ADAMTS20: variants seen among roughly 807,000 people sequenced by gnomAD.
ADAMTS20 encodes ADAM metallopeptidase with thrombospondin type 1 motif 20.
A neutral mutation model predicts 260.1 loss-of-function variants in ADAMTS20; 225 were observed. That is an observed-to-expected ratio of 0.87 (90% CI 0.78 to 0.97). The LOEUF is 0.97. ADAMTS20 is among the 50% of genes least tolerant of loss of function. The pLI is 0.00. For missense variants in ADAMTS20, 2,400 were observed against 2,337.7 expected, an observed-to-expected ratio of 1.03 and a Z score of -0.55; for synonymous variants, 802 against 769.5, an observed-to-expected ratio of 1.04 and a Z score of -0.70.
intron 3 of ADAMTS20, among the ~76,000 whole-genome samples, chr12:43,507,581 T>C (rs1942864812): frequency 6.6e-6 from 1 of 152,142 alleles, no homozygotes; most frequent in Admixed American, 6.6e-5. Context: ...TGCTAAGAAA[T>C]TATATATCTC....
chr12:43,410,382 GA>G (rs1008025127), intron 28 of ADAMTS20, among the ~76,000 whole-genome samples: 1 of 151,878 alleles, frequency 6.6e-6, no homozygotes, highest in Non-Finnish European at 1.5e-5. Flanking sequence ...AGCCCTTAAG[GA>G]AAAAAACAGT....
At chr12:43,504,295 C>T (rs1942810627) in intron 3 of ADAMTS20, among the ~76,000 whole-genome samples, 1 of 152,118 alleles carries the variant, frequency 6.6e-6, no homozygotes, top group Non-Finnish European at 1.5e-5. Flanking sequence ...TTCTGATGTG[C>T]ATTTCTCTAA....
intron 4 of ADAMTS20, 140 bp from the exon 5 acceptor site, chr12:43,493,393 A>T (rs1172971485): frequency 1.6e-6 from 1 of 628,624 alleles, no homozygotes; most frequent in Non-Finnish European, 2.7e-6. Context: ...GCTTTAACAA[A>T]TCCTCATGTT....
chr12:43,425,734 G>T, intron 27 of ADAMTS20, 44 bp from the exon 28 acceptor site: 1 of 1,347,824 alleles, frequency 7.4e-7, no homozygotes, highest in South Asian at 1.6e-5. Context: ...GTTTTAAAGA[G>T]AATAATGTAT....
chr12:43,442,760 T>C (rs1941691165), intron 16 of ADAMTS20, among the ~76,000 whole-genome samples: 1 of 152,220 alleles, frequency 6.6e-6, no homozygotes, highest in South Asian at 2.1e-4. Context: ...TAAATCAAAC[T>C]ATTTATGTTT....
rs1943515895 is a variant in ADAMTS20, at chr12:43,551,471, C to CAAAGGGGTCT, written c.92-202_92-201insAGACCCCTTT. The stretch of plus-strand genomic sequence containing the variant: ...GTGCTCTGCTTTCCCACACCCCCAA[C>CAAAGGGGTCT]TTGCCCTACCCTCCCCAAGCAAAGA... On this transcript the variant is annotated intron_variant, in intron 1 of 38. Transcript: ENST00000389420. The surrounding 1 kb of genome is among the most constrained non-coding windows in gnomAD (Gnocchi z 4.6). 6.6e-6 allele frequency among the ~76,000 whole-genome samples: 1 copy of CAAAGGGGTCT among 152,112 alleles called. No homozygotes were observed. Among genetic ancestry groups the CAAAGGGGTCT allele is most frequent in the Non-Finnish European group, 1.5e-5 (1 of 68,024 alleles).
chr12:43,499,275 C>T (rs1308169376), intron 4 of ADAMTS20, among the ~76,000 whole-genome samples: 1 of 152,092 alleles, frequency 6.6e-6, no homozygotes, highest in Non-Finnish European at 1.5e-5. Context: ...CAACAGAAAC[C>T]TGCTCTCTTT....
At chr12:43,363,034 GA>G (rs898161969) in intron 37 of ADAMTS20, among the ~76,000 whole-genome samples, 314 of 147,346 alleles carry the variant, frequency 2.1e-3, no homozygotes, top group African/African-American at 6.8e-3. Context: ...GTGCTACCAA[GA>G]AAAAAAAAAG....
intron 36 of ADAMTS20, among the ~76,000 whole-genome samples, chr12:43,371,073 T>G (rs576014218): frequency 6.6e-6 from 1 of 152,370 alleles, no homozygotes; most frequent in East Asian, 1.9e-4. Flanking sequence ...TAGTATGCAC[T>G]GTTCTTCATG....
At chr12:43,455,871 G>A (rs755169354) in intron 11 of ADAMTS20, among the ~76,000 whole-genome samples, 66 of 152,022 alleles carry the variant, frequency 4.3e-4, no homozygotes, top group Non-Finnish European at 1.2e-4. Context: ...ACCACAACCC[G>A]CTAATTTTTG....
At position 43,381,780 on chromosome 12, in the gene ADAMTS20, C is replaced by CAAAAAAAAA. The variant is rs765135656; in HGVS notation, c.4797+1769_4797+1777dup. On this transcript the variant is annotated intron_variant, in intron 31 of 38. Coordinates refer to ENST00000389420, the MANE Select transcript of ADAMTS20 (RefSeq NM_025003.5). ...TGGGCAACAGAACAAGACTGCATCT[C>CAAAAAAAAA]AAAAAAAAAAAAAAAAAAAAAAAAG... 1.7e-4 allele frequency among the ~76,000 whole-genome samples: 6 copies of CAAAAAAAAA among 34,526 alleles called. 1 individual carries two copies. Among genetic ancestry groups the CAAAAAAAAA allele is most frequent in the Non-Finnish European group, 1.5e-4 (3 of 19,572 alleles). The allele number at this position is 34,526 out of a possible 152,430, so 22.7% of individuals were successfully genotyped here. A position where few individuals can be genotyped will look rare whatever the true frequency, so the allele number is the denominator to read the frequency against.
At chr12:43,493,107 T>C (rs932584691) in intron 5 of ADAMTS20, 63 bp downstream of exon 5, 2 of 1,074,066 alleles carry the variant, frequency 1.9e-6, no homozygotes, top group African/African-American at 3.2e-5. Context: ...TTCCATAATC[T>C]CTACGTATTG....
intron 7 of ADAMTS20, among the ~76,000 whole-genome samples, chr12:43,487,226 C>T (rs1340933081): frequency 6.6e-6 from 1 of 152,130 alleles, no homozygotes; most frequent in Admixed American, 6.5e-5. Context: ...TGGATTACTA[C>T]TCAGACACAC....
intron 15 of ADAMTS20, 114 bp from the exon 16 acceptor site, chr12:43,443,997 T>A: frequency 2.6e-6 from 2 of 763,140 alleles, no homozygotes; most frequent in Non-Finnish European, 2.2e-6. Flanking sequence ...TTTTGTTGTG[T>A]CTTTACAAAA....
Position 43,394,197 on chromosome 12 carries a change from C to T in ADAMTS20, c.4452+4869G>A, listed in dbSNP as rs555898046. ...TCAGAAACACTCTGATTTTGTTATACGAAAAATAAAAGTCTTTGTAGTTTA... is the reference window on the plus strand; with the variant it reads ...TCAGAAACACTCTGATTTTGTTATATGAAAAATAAAAGTCTTTGTAGTTTA... On this transcript the variant is annotated intron_variant, in intron 29 of 38. Transcript: ENST00000389420. Among the ~76,000 whole-genome samples, 55 of 152,090 alleles carry T rather than the reference C, an allele frequency of 3.6e-4. 2 individuals carry two copies. The highest frequency in any genetic ancestry group is 2.1e-3 in the South Asian group (10 of 4,818).
At chr12:43,419,429 T>C (rs1214005010) in intron 28 of ADAMTS20, among the ~76,000 whole-genome samples, 1 of 152,150 alleles carries the variant, frequency 6.6e-6, no homozygotes, top group Non-Finnish European at 1.5e-5. Flanking sequence ...AAAGTTTCTA[T>C]AACAAAAATT....
At chr12:43,401,964 C>A (rs556660036) in intron 28 of ADAMTS20, among the ~76,000 whole-genome samples, 1 of 152,050 alleles carries the variant, frequency 6.6e-6, no homozygotes, top group East Asian at 1.9e-4. Flanking sequence ...TCATTATTTT[C>A]TTTACCTAGA....
At chr12:43,550,801 TGAACTCCAGGG>T in intron 2 of ADAMTS20, 97 bp downstream of exon 2, 1 of 1,415,340 alleles carries the variant, frequency 7.1e-7, no homozygotes, top group Admixed American at 2.9e-5. Context: ...TAGCCCAACC[TGAACTCCAGGG>T]TCATCAGCCA....
At chr12:43,532,554 TG>T (rs1180023499) in intron 2 of ADAMTS20, among the ~76,000 whole-genome samples, 15 of 61,644 alleles carry the variant, frequency 2.4e-4, no homozygotes, top group East Asian at 1.5e-3. Context: ...TTTTTTTTAA[TG>T]TTTTTTTTTT....
Sources: allele counts gnomAD v4.1 joint callset (sites outside exome capture counted in the v4.1 genomes callset), GRCh38; gene constraint gnomAD v4.1.1; non-coding constraint Gnocchi (gnomAD v3.1); transcripts MANE v1.5; gene names NCBI Gene and HGNC (gene_info 2026-07-23, HGNC 2026-07-21).